The following LDLRAD4 variants were observed in gnomAD, a reference collection of about 807,000 sequenced individuals.
LDLRAD4 encodes the protein low density lipoprotein receptor class A domain containing 4.
LDLRAD4 carries 5 observed loss-of-function variants against 17.0 expected under a neutral mutation model. The observed-to-expected ratio is 0.29, with a 90% confidence interval of 0.15 to 0.62. LDLRAD4 has a LOEUF of 0.62. Ranked by LOEUF, LDLRAD4 falls within the 20% of genes least tolerant of loss-of-function variation. The pLI is 0.84. For synonymous variants in LDLRAD4, 168 were observed against 171.8 expected, an observed-to-expected ratio of 0.98 and a Z score of 0.17; for missense variants, 340 against 424.7, an observed-to-expected ratio of 0.80 and a Z score of 1.75.
At chr18:13,571,161 C>T (rs2094685220) in intron 3 of LDLRAD4, among the ~76,000 whole-genome samples, 2 of 152,134 alleles carry the variant, frequency 1.3e-5, no homozygotes, top group Admixed American at 6.5e-5. Flanking sequence ...GTCCACTTTC[C>T]TCACACTCCC....
intron 1 of LDLRAD4, among the ~76,000 whole-genome samples, chr18:13,315,783 TAAAAAA>T (rs78099800): frequency 1.2e-5 from 1 of 85,918 alleles, no homozygotes; most frequent in Non-Finnish European, 2.5e-5. Context: ...AAACTCCGTC[TAAAAAA>T]AAAAAAAAAA....
intron 3 of LDLRAD4, chr18:13,542,327 T>C (rs11659880): frequency 0.59 from 90,104 of 152,038 alleles, 27,096 homozygotes; most frequent in Middle Eastern, 0.72. Flanking sequence ...TCTCCCTCCT[T>C]GCCTGGAGTC....
intron 3 of LDLRAD4, among the ~76,000 whole-genome samples, chr18:13,589,064 G>A (rs1388105207): frequency 6.6e-6 from 1 of 151,930 alleles, no homozygotes; most frequent in Non-Finnish European, 1.5e-5. Flanking sequence ...GAGTAGCTGG[G>A]ACTGCAGGGT....
chr18:13,355,795 C>A (rs1461869150), intron 1 of LDLRAD4, among the ~76,000 whole-genome samples: 1 of 151,958 alleles, frequency 6.6e-6, no homozygotes, highest in Non-Finnish European at 1.5e-5. Context: ...CCATGCCTGG[C>A]TAATTAAAAA....
At chr18:13,642,336 G>A (rs545112149) in intron 4 of LDLRAD4, 4 of 1,001,792 alleles carry the variant, frequency 4.0e-6, no homozygotes, top group Non-Finnish European at 4.8e-6. Context: ...TCCCGTGACG[G>A]CCGACAGCCC....
intron 3 of LDLRAD4, among the ~76,000 whole-genome samples, chr18:13,605,635 A>G (rs2095215244): frequency 6.6e-6 from 1 of 152,204 alleles, no homozygotes; most frequent in South Asian, 2.1e-4. Flanking sequence ...ACCCATCAGC[A>G]CAGAGCGGAG....
rs532906284 is a variant in LDLRAD4, at chr18:13,445,847, G to A, written c.181+7463G>A. On this transcript the variant is annotated intron_variant, in intron 3 of 5. Coordinates refer to ENST00000359446, the Ensembl canonical transcript of LDLRAD4. The stretch of plus-strand genomic sequence containing the variant: ...CTGTGTGTGAGGGTGAGGCTGTGTG[G>A]TGCATGTGTGCATGAGTGTGTCACC... Among the ~76,000 whole-genome samples the A allele has an allele frequency of 9.5e-3, 1,442 of 152,046 alleles. 8 individuals are homozygous for A. Among genetic ancestry groups the A allele is most frequent in the Middle Eastern group, 0.037 (11 of 294 alleles).
At chr18:13,304,578 T>C (rs973011960) in intron 1 of LDLRAD4, among the ~76,000 whole-genome samples, 32 of 152,084 alleles carry the variant, frequency 2.1e-4, no homozygotes, top group Admixed American at 2.0e-4. Context: ...TCTTTCAGAC[T>C]CCCCTGAGGA....
chr18:13,499,470 C>T (rs1289907715), intron 3 of LDLRAD4, among the ~76,000 whole-genome samples: 1 of 150,288 alleles, frequency 6.7e-6, no homozygotes, highest in East Asian at 2.0e-4. Context: ...CTTCTACTCA[C>T]ACACGTCCCG....
intron 3 of LDLRAD4, among the ~76,000 whole-genome samples, chr18:13,541,772 G>C (rs545075420): frequency 3.9e-5 from 6 of 152,294 alleles, no homozygotes; most frequent in Non-Finnish European, 8.8e-5. Flanking sequence ...GAAAAAGACC[G>C]CCAGGCGTGG....
chr18:13,513,075 C>A (rs1005215135), intron 3 of LDLRAD4, among the ~76,000 whole-genome samples: 1 of 152,218 alleles, frequency 6.6e-6, no homozygotes, highest in Non-Finnish European at 1.5e-5. Flanking sequence ...AGGGCCAGCA[C>A]CAGAACAGGG....
At chr18:13,632,643 T>C (rs1374497188) in intron 4 of LDLRAD4, among the ~76,000 whole-genome samples, 1 of 152,200 alleles carries the variant, frequency 6.6e-6, no homozygotes, top group Non-Finnish European at 1.5e-5. Context: ...CTTCTTTCCT[T>C]CTTGTCCCCC....
intron 1 of LDLRAD4, among the ~76,000 whole-genome samples, chr18:13,319,677 T>G (rs1407590660): frequency 1.3e-5 from 2 of 152,170 alleles, no homozygotes; most frequent in Admixed American, 6.6e-5. Context: ...TAAATAAACT[T>G]ATTTTCAGCC....
At chr18:13,432,023 C>G (rs1392161877) in intron 2 of LDLRAD4, among the ~76,000 whole-genome samples, 1 of 152,202 alleles carries the variant, frequency 6.6e-6, no homozygotes, top group Non-Finnish European at 1.5e-5. Flanking sequence ...CCAGGTGAGG[C>G]ATGAGCACTG....
chr18:13,424,414 C>A (rs1384641160), intron 2 of LDLRAD4, among the ~76,000 whole-genome samples: 2 of 152,134 alleles, frequency 1.3e-5, no homozygotes, highest in African/African-American at 4.8e-5. Context: ...CAAAACTCAG[C>A]CCCAAAGTGC....
At chr18:13,357,941 T>C (rs1352547173) in intron 1 of LDLRAD4, among the ~76,000 whole-genome samples, 3 of 152,198 alleles carry the variant, frequency 2.0e-5, no homozygotes, top group African/African-American at 4.8e-5. Context: ...TCACAATTAT[T>C]ATTATTACTG....
At chr18:13,526,286 A>G (rs2147745991) in intron 3 of LDLRAD4, 1 of 152,336 alleles carries the variant, frequency 6.6e-6, no homozygotes, top group Non-Finnish European at 1.5e-5. Flanking sequence ...GTGGTGGGAA[A>G]AATATCCCCG....
chr18:13,329,545 T>C (rs981191240), intron 1 of LDLRAD4, among the ~76,000 whole-genome samples: 5 of 152,362 alleles, frequency 3.3e-5, no homozygotes, highest in South Asian at 4.1e-4. Flanking sequence ...TCTTTCCTTT[T>C]GTGACTTCTG....
At chr18:13,609,801 C>T (rs1356993306) in intron 3 of LDLRAD4, among the ~76,000 whole-genome samples, 1 of 152,010 alleles carries the variant, frequency 6.6e-6, no homozygotes, top group Non-Finnish European at 1.5e-5. Flanking sequence ...GGTGAAACCC[C>T]ATCTCTACTA....
Sources: allele counts gnomAD v4.1 joint callset (sites outside exome capture counted in the v4.1 genomes callset), GRCh38; gene constraint gnomAD v4.1.1; transcripts MANE v1.5; gene names NCBI Gene and HGNC (gene_info 2026-07-23, HGNC 2026-07-21).